Variants in CAMSAP2 observed in about 807,000 individuals in gnomAD.
CAMSAP2 encodes the protein calmodulin-regulated spectrin-associated protein 2.
CAMSAP2 carries 26 observed loss-of-function variants against 146.1 expected under a neutral mutation model. That is an observed-to-expected ratio of 0.18 (90% CI 0.13 to 0.25). CAMSAP2 has a LOEUF of 0.25. CAMSAP2 is among the 10% of genes least tolerant of loss of function. The pLI is 1.00. For missense variants in CAMSAP2, 1,381 were observed against 1,759.3 expected (o/e 0.78, Z 3.85); for synonymous variants, 499 against 596.6 (o/e 0.84, Z 2.38).
intron 4 of CAMSAP2, among the ~76,000 whole-genome samples, chr1:200,816,927 C>G (rs1446354360): frequency 1.2e-5 from 1 of 80,106 alleles, no homozygotes. Flanking sequence ...TGTGTGTACA[C>G]ACACACGCGT....
intron 2 of CAMSAP2, among the ~76,000 whole-genome samples, chr1:200,768,028 A>G (rs1241730431): frequency 6.6e-6 from 1 of 152,242 alleles, no homozygotes; most frequent in Non-Finnish European, 1.5e-5. Context: ...TCTTTTTAAT[A>G]AAACTGAATT....
chr1:200,853,468 C>T lies in CAMSAP2; in HGVS notation c.3796C>T (p.Pro1266Ser). 1.9e-6 allele frequency: 3 copies of T among 1,613,212 alleles called. No homozygotes were observed. The highest frequency in any genetic ancestry group is 2.5e-6 in the Non-Finnish European group (3 of 1,179,646). The change falls in exon 13 of 17, where the codon CCC (proline) becomes TCC (serine). Residue 1266 changes from proline to serine, a missense_variant. Around this residue, in one of 4 missense-constraint regions of CAMSAP2, gnomAD observed 560 missense variants for 715.9 expected, o/e 0.78. Transcript: ENST00000358823. The surrounding 1 kb of genome is among the most constrained non-coding windows in gnomAD (Gnocchi z 5.1). ...KSIHRDHIES[P>S]KTPIKGPPVS... ...TATTCACAGAGATCATATTGAATCC[C>T]CCAAAACACCAATAAAGGGTCCTCC... is the stretch of plus-strand genomic sequence containing the variant.
chr1:200,852,107 T>C (rs1467004771), intron 11 of CAMSAP2, among the ~76,000 whole-genome samples: 2 of 152,258 alleles, frequency 1.3e-5, no homozygotes, highest in Non-Finnish European at 2.9e-5. Flanking sequence ...AATAGTTTCA[T>C]TTATGTGCTA....
chr1:200,847,688 G>A lies in CAMSAP2; in HGVS notation c.1241G>A (p.Gly414Glu), dbSNP rs1369204839. 1 of 1,612,100 alleles carries A rather than the reference G, an allele frequency of 6.2e-7. No individual in the cohort carries two copies. The highest frequency in any genetic ancestry group is 1.1e-5 in the South Asian group (1 of 90,868). The change falls in exon 10 of 17, where the codon GGG becomes GAG. Residue 414 changes from glycine to glutamate, a missense_variant. Gly to Glu is a moderately conservative substitution (Grantham distance 98). Around this residue, in one of 4 missense-constraint regions of CAMSAP2, gnomAD observed 447 missense variants for 462.2 expected, o/e 0.97. Coordinates refer to ENST00000358823, the MANE Select transcript of CAMSAP2 (RefSeq NM_203459.4). ...ATGTCTTATGTTGATGGCTTCATAG[G>A]GACATGGCCCAAAGAGAAAAGGTAA... ...SSMSYVDGFI[G>E]TWPKEKRSSV...
intron 1 of CAMSAP2, among the ~76,000 whole-genome samples, chr1:200,753,979 A>G (rs1470238365): frequency 6.6e-6 from 1 of 152,208 alleles, no homozygotes; most frequent in Non-Finnish European, 1.5e-5. Context: ...ATTCAGACAG[A>G]TGAAAGTCTC....
chr1:200,829,936 T>A (rs564555290), intron 4 of CAMSAP2, among the ~76,000 whole-genome samples: 225 of 151,008 alleles, frequency 1.5e-3, no homozygotes, highest in Non-Finnish European at 2.1e-3. Flanking sequence ...CCAAAAAAAA[T>A]AATAATAATA....
At chr1:200,829,733 C>A (rs1380412425) in intron 4 of CAMSAP2, among the ~76,000 whole-genome samples, 3 of 152,022 alleles carry the variant, frequency 2.0e-5, no homozygotes, top group Non-Finnish European at 4.4e-5. Flanking sequence ...TTGAGACCAG[C>A]CTGGGCAACT....
intron 2 of CAMSAP2, among the ~76,000 whole-genome samples, chr1:200,791,097 G>T (rs534213101): frequency 2.0e-5 from 3 of 152,038 alleles, no homozygotes; most frequent in Non-Finnish European, 4.4e-5. Context: ...CACCTGCCTC[G>T]GCCTCCCAAA....
rs756939106 is a variant in CAMSAP2 at position 200,847,696 on chromosome 1, C to A, written c.1249C>A (p.Pro417Thr). Residue 417 changes from proline to threonine, a missense_variant, in exon 10 of 17, where the codon CCC (proline) becomes ACC (threonine). Physicochemically the swap from Pro to Thr is conservative, Grantham distance 38. Coordinates refer to ENST00000358823, the MANE Select transcript of CAMSAP2 (RefSeq NM_203459.4). ...TGTTGATGGCTTCATAGGGACATGGCCCAAAGAGAAAAGGTAAACAAAGAG... is the reference window on the plus strand; with the variant it reads ...TGTTGATGGCTTCATAGGGACATGGACCAAAGAGAAAAGGTAAACAAAGAG... ...SYVDGFIGTW[P>T]KEKRSSVHGV... 6.2e-7 allele frequency: 1 copy of A among 1,610,978 alleles called. No individual in the cohort carries two copies. The highest frequency in any genetic ancestry group is 8.5e-7 in the Non-Finnish European group (1 of 1,177,826).
At position 200,858,144 on chromosome 1, in the gene CAMSAP2, A is replaced by T. The variant is rs1055550624; in HGVS notation, c.*85A>T. The T allele has an allele frequency of 8.3e-7, 1 of 1,208,918 alleles. No individual in the cohort carries two copies. Among genetic ancestry groups the T allele is most frequent in the Non-Finnish European group, 1.2e-6 (1 of 866,600 alleles). The allele number at this position is 1,208,918 out of a possible 1,614,324, so 74.9% of individuals were successfully genotyped here. A position where few individuals can be genotyped will look rare whatever the true frequency, so the allele number is the denominator to read the frequency against. ...CTATAGAAAATCTTTCTAATTGCCA[A>T]CAAGACTTTTATTAATTAAAACTGG... is the stretch of plus-strand genomic sequence containing the variant. On this transcript the variant is annotated 3_prime_UTR_variant, in exon 17 of 17. Coordinates refer to ENST00000358823, the MANE Select transcript of CAMSAP2 (RefSeq NM_203459.4).
At chr1:200,796,428 G>A (rs1161692824) in intron 2 of CAMSAP2, among the ~76,000 whole-genome samples, 1 of 152,046 alleles carries the variant, frequency 6.6e-6, no homozygotes, top group Non-Finnish European at 1.5e-5. Flanking sequence ...TCCCTTTCAC[G>A]ATTGCTTTGG....
At position 200,847,727 on chromosome 1, in the gene CAMSAP2, C is replaced by T; in HGVS notation, c.1262+18C>T. On this transcript the variant is annotated intron_variant, in intron 10 of 16. Transcript: ENST00000358823. ...GAGAAAAGGTAAACAAAGAGAATTA[C>T]TTTTAGTGTATTCAGATTATTAAGA... The T allele has an allele frequency of 6.3e-7, 1 of 1,583,864 alleles. No homozygotes were observed. Among genetic ancestry groups the T allele is most frequent in the South Asian group, 1.1e-5 (1 of 89,686 alleles).
intron 2 of CAMSAP2, among the ~76,000 whole-genome samples, chr1:200,776,093 A>G (rs1665271403): frequency 1.3e-5 from 2 of 152,132 alleles, no homozygotes; most frequent in African/African-American, 2.4e-5. Flanking sequence ...TTTTATACCA[A>G]AACATTTTGC....
intron 2 of CAMSAP2, among the ~76,000 whole-genome samples, chr1:200,791,396 G>C (rs911496271): frequency 6.6e-6 from 1 of 151,888 alleles, no homozygotes; most frequent in East Asian, 1.9e-4. Flanking sequence ...ATATCCTTGA[G>C]TTTATAGTTT....
rs1409138665 is a variant in CAMSAP2 at position 200,859,170 on chromosome 1, A to G, written c.*1111A>G. 1 of 152,616 alleles carries G rather than the reference A, an allele frequency of 6.6e-6. No individual in the cohort carries two copies. The highest frequency in any genetic ancestry group is 1.9e-4 in the East Asian group (1 of 5,336). The allele number at this position is 152,616 out of a possible 1,614,324, so 9.5% of individuals were successfully genotyped here. A position where few individuals can be genotyped will look rare whatever the true frequency, so the allele number is the denominator to read the frequency against. On this transcript the variant is annotated 3_prime_UTR_variant, in exon 17 of 17. Coordinates refer to ENST00000358823, the MANE Select transcript of CAMSAP2 (RefSeq NM_203459.4). ...ATACACTTGAAATCTCCTCTACATG[A>G]TCTTTGTTCTTTAACAGTGTATACC...
At chr1:200,773,204 G>A (rs1307464717) in intron 2 of CAMSAP2, among the ~76,000 whole-genome samples, 1 of 152,026 alleles carries the variant, frequency 6.6e-6, no homozygotes, top group East Asian at 1.9e-4. Context: ...TATGAATATA[G>A]AAGATGAATT....
chr1:200,754,107 A>G (rs1447315044), intron 1 of CAMSAP2, among the ~76,000 whole-genome samples: 1 of 152,218 alleles, frequency 6.6e-6, no homozygotes, highest in Non-Finnish European at 1.5e-5. Flanking sequence ...AAAATGTCTG[A>G]GCATTATGTT....
chr1:200,775,122 G>A (rs568636510), intron 2 of CAMSAP2, among the ~76,000 whole-genome samples: 1 of 152,324 alleles, frequency 6.6e-6, no homozygotes, highest in South Asian at 2.1e-4. Context: ...AGGCTTTCAG[G>A]GAAGGCCTGT....
intron 2 of CAMSAP2, among the ~76,000 whole-genome samples, chr1:200,767,929 G>A (rs1665003739): frequency 6.6e-6 from 1 of 152,018 alleles, no homozygotes; most frequent in Non-Finnish European, 1.5e-5. Flanking sequence ...CTCTTTATTT[G>A]TGATCATTTA....
Sources: gnomAD v4.1 joint callset for allele counts (sites outside exome capture counted in the v4.1 genomes callset) on GRCh38, gnomAD v4.1.1 for gene constraint, gnomAD v4.1.1 regional missense constraint, Gnocchi (gnomAD v3.1) non-coding constraint, MANE v1.5 for transcripts, NCBI Gene and HGNC (gene_info 2026-07-23, HGNC 2026-07-21) for gene names.